Variants in DLGAP2 observed in about 807,000 individuals in gnomAD.
DLGAP2 encodes DLG associated protein 2.
A neutral mutation model predicts 100.3 loss-of-function variants in DLGAP2; 26 were observed. The observed-to-expected ratio is 0.26, with a 90% CI of 0.19 to 0.36. DLGAP2 has a LOEUF of 0.36. Ranked by LOEUF, DLGAP2 falls within the 10% of genes least tolerant of loss-of-function variation. The pLI is 1.00. For synonymous variants in DLGAP2, 886 were observed against 630.1 expected (o/e 1.41, Z -6.08); for missense variants, 1,858 against 1,453.2 (o/e 1.28, Z -4.53).
rs182443236 is a variant in DLGAP2, at chr8:970,981, G to A, written c.73+63015G>A. ...TGAAGAAAATAAATTTTACCTCCAT[G>A]TTTAACCGTAAACCTTAGAGTCTGC... On this transcript the variant is annotated intron_variant, in intron 2 of 14. Coordinates refer to ENST00000637795, the MANE Select transcript of DLGAP2 (RefSeq NM_001346810.2). Among the ~76,000 whole-genome samples, 388 of 152,300 alleles carry A rather than the reference G, an allele frequency of 2.5e-3. 2 individuals carry two copies. Among genetic ancestry groups the A allele is most frequent in the Admixed American group, 4.6e-3 (71 of 15,294 alleles).
At chr8:1,627,853 C>T (rs535203148) in intron 7 of DLGAP2, among the ~76,000 whole-genome samples, 6 of 151,710 alleles carry the variant, frequency 4.0e-5, no homozygotes, top group Non-Finnish European at 8.8e-5. Flanking sequence ...CCTGAGCCGA[C>T]CTCACATTCT....
intron 1 of DLGAP2, among the ~76,000 whole-genome samples, chr8:756,535 A>C (rs1231322066): frequency 6.6e-6 from 1 of 152,110 alleles, no homozygotes; most frequent in Non-Finnish European, 1.5e-5. Flanking sequence ...GTTGGGATTT[A>C]CTTTTTTTTC....
chr8:1,385,288 G>A (rs372204139), intron 3 of DLGAP2, among the ~76,000 whole-genome samples: 39 of 40,670 alleles, frequency 9.6e-4, no homozygotes, highest in South Asian at 1.2e-3. Flanking sequence ...TTGGTGCACA[G>A]TTACCCGGCC....
chr8:1,287,464 G>C (rs371801216), intron 3 of DLGAP2, among the ~76,000 whole-genome samples: 1 of 102,276 alleles, frequency 9.8e-6, no homozygotes, highest in Non-Finnish European at 1.9e-5. Context: ...AACTAGTTTC[G>C]GTTCAGCGTG....
chr8:1,673,535 G>C (rs1040251047), intron 10 of DLGAP2, among the ~76,000 whole-genome samples: 3 of 152,152 alleles, frequency 2.0e-5, no homozygotes, highest in African/African-American at 7.2e-5. Flanking sequence ...GGTAAAATCT[G>C]CACAGTTCAT....
chr8:1,680,765 TGTTA>T (rs1180297669), intron 12 of DLGAP2: 1 of 152,230 alleles, frequency 6.6e-6, no homozygotes, highest in Non-Finnish European at 1.5e-5. Flanking sequence ...CTTCCACCCT[TGTTA>T]GTATATGCCT....
chr8:1,386,500 G>A (rs1171696245), intron 3 of DLGAP2, among the ~76,000 whole-genome samples: 1 of 152,220 alleles, frequency 6.6e-6, no homozygotes. Flanking sequence ...CCAGAATCCT[G>A]GAGAAGTGGT....
chr8:1,178,096 G>A (rs1389718670), intron 2 of DLGAP2, among the ~76,000 whole-genome samples: 1 of 152,214 alleles, frequency 6.6e-6, no homozygotes, highest in Non-Finnish European at 1.5e-5. Flanking sequence ...AGCTGGTGGT[G>A]TCAGAGTCAT....
chr8:1,588,878 C>T (rs529196039), intron 6 of DLGAP2, among the ~76,000 whole-genome samples: 27 of 152,134 alleles, frequency 1.8e-4, no homozygotes, highest in African/African-American at 4.6e-4. Flanking sequence ...GCCGAGATCA[C>T]GCCACTGCAC....
intron 2 of DLGAP2, among the ~76,000 whole-genome samples, chr8:972,616 C>CTTATTTAT (rs112414168): frequency 3.9e-4 from 58 of 150,190 alleles, no homozygotes; most frequent in African/African-American, 8.5e-4. Flanking sequence ...GTATTTTTTT[C>CTTATTTAT]TTATTTATTT....
At chr8:1,069,797 A>G (rs1585031807) in intron 2 of DLGAP2, among the ~76,000 whole-genome samples, 1 of 152,142 alleles carries the variant, frequency 6.6e-6, no homozygotes, top group Non-Finnish European at 1.5e-5. Context: ...GATGAGGTGC[A>G]GCCACAATGC....
intron 3 of DLGAP2, among the ~76,000 whole-genome samples, chr8:1,478,689 A>G (rs1317038574): frequency 6.6e-6 from 1 of 151,670 alleles, no homozygotes; most frequent in Non-Finnish European, 1.5e-5. Context: ...TGGTCAAACC[A>G]ATGGAATAGA....
chr8:1,547,657 G>A (rs1217422909), intron 4 of DLGAP2, among the ~76,000 whole-genome samples: 4 of 152,184 alleles, frequency 2.6e-5, no homozygotes, highest in South Asian at 2.1e-4. Flanking sequence ...GAGAGCAAGC[G>A]ACCTGCCCCT....
intron 1 of DLGAP2, chr8:821,998 C>A (rs1392624960): frequency 7.6e-6 from 3 of 396,850 alleles, no homozygotes; most frequent in Non-Finnish European, 8.9e-6. Flanking sequence ...TGCTTAGTCT[C>A]ACTTTTTAAT....
chr8:993,797 T>C (rs1800702256), intron 2 of DLGAP2, among the ~76,000 whole-genome samples: 1 of 149,782 alleles, frequency 6.7e-6, no homozygotes, highest in Non-Finnish European at 1.5e-5. Flanking sequence ...CTTTTTTTTT[T>C]TTTTTTTTTT....
chr8:1,452,846 G>A (rs914309736), intron 3 of DLGAP2, among the ~76,000 whole-genome samples: 4 of 152,186 alleles, frequency 2.6e-5, no homozygotes, highest in African/African-American at 9.7e-5. Context: ...GATTGTCTCA[G>A]GACGGTGCCC....
intron 2 of DLGAP2, among the ~76,000 whole-genome samples, chr8:963,813 C>G (rs1799783410): frequency 6.6e-6 from 1 of 152,152 alleles, no homozygotes; most frequent in Non-Finnish European, 1.5e-5. Context: ...AAAGACCCAG[C>G]ACCATCACAG....
intron 2 of DLGAP2, among the ~76,000 whole-genome samples, chr8:1,020,435 G>C (rs887566011): frequency 1.3e-5 from 2 of 152,182 alleles, no homozygotes; most frequent in Admixed American, 6.5e-5. Context: ...AAGGGCTGAG[G>C]CATTATAGCT....
At chr8:968,254 C>T (rs1201016135) in intron 2 of DLGAP2, among the ~76,000 whole-genome samples, 1 of 152,102 alleles carries the variant, frequency 6.6e-6, no homozygotes, top group Non-Finnish European at 1.5e-5. Flanking sequence ...CCCGTGGGGC[C>T]CCTGCCCCCA....
Sources: allele counts gnomAD v4.1 joint callset (sites outside exome capture counted in the v4.1 genomes callset), GRCh38; gene constraint gnomAD v4.1.1; transcripts MANE v1.5; gene names NCBI Gene and HGNC (gene_info 2026-07-23, HGNC 2026-07-21).